AKAP3: variants seen among roughly 807,000 people sequenced by gnomAD.
The protein encoded by AKAP3 is A-kinase anchoring protein 3.
Under a neutral mutation model 57.2 loss-of-function variants are expected in AKAP3, and 27 were observed. The ratio of observed to expected loss-of-function variants is 0.47; its 90% CI spans 0.35 to 0.65. The LOEUF is 0.65. Among genes scored for constraint, AKAP3 ranks in the 30% least tolerant of loss-of-function variants. The pLI is 0.01. For synonymous variants in AKAP3, 334 were observed against 392.3 expected (o/e 0.85, Z 1.76); for missense variants, 959 against 1,040.0 (o/e 0.92, Z 1.07).
At position 4,648,837 on chromosome 12, in the gene AKAP3, T is replaced by C. The variant is rs758375631; in HGVS notation, c.-337A>G. ...CTACCTCGGGTCTTGCCATTTTGCA[T>C]GTCCTGAGTCAGTCACTGGTTAACT... On this transcript the variant is annotated 5_prime_UTR_variant, in exon 1 of 6. An upstream start codon of the reference 5' UTR is lost. Transcript: ENST00000228850. 2.5e-6 allele frequency: 1 copy of C among 396,558 alleles called. No individual in the cohort carries two copies. The highest frequency in any genetic ancestry group is 2.1e-5 in the African/African-American group (1 of 48,078). 24.6% of individuals were successfully genotyped at this position (396,558 alleles called of 1,614,324 possible). A position where few individuals can be genotyped will look rare whatever the true frequency, so the allele number is the denominator to read the frequency against.
intron 4 of AKAP3, among the ~76,000 whole-genome samples, chr12:4,629,129 C>T (rs1358267879): frequency 6.6e-6 from 1 of 152,170 alleles, no homozygotes; most frequent in East Asian, 1.9e-4. Flanking sequence ...ATTGATGGAG[C>T]AGAAATTCCA....
chr12:4,615,915 C>G, intron 5 of AKAP3, 21 bp from the exon 6 acceptor site: 1 of 1,613,878 alleles, frequency 6.2e-7, no homozygotes. Flanking sequence ...AAAGAAAACA[C>G]CAGTGGTGAG....
intron 4 of AKAP3, among the ~76,000 whole-genome samples, chr12:4,629,688 C>A (rs1207108571): frequency 2.0e-5 from 3 of 152,170 alleles, no homozygotes; most frequent in East Asian, 1.9e-4. Context: ...AGCAGTTGAA[C>A]TGAATCAGAT....
Position 4,628,673 on chromosome 12 carries a change from G to T in AKAP3, c.229C>A (p.Pro77Thr). The change falls in exon 5 of 6, where the codon CCA becomes ACA. Residue 77 changes from proline to threonine, a missense_variant. Coordinates refer to ENST00000228850, the MANE Select transcript of AKAP3 (RefSeq NM_001278309.2). Reference protein sequence around the residue: ...FGGETSNSGDPHKGFSVDYYN... With the variant: ...FGGETSNSGDTHKGFSVDYYN... ...TAGTCTACAGAGAAACCTTTGTGTG[G>T]GTCTCCTGAGTTGGACGTTTCCCCA... 1 of 1,614,164 alleles carries T rather than the reference G, an allele frequency of 6.2e-7. No individual in the cohort carries two copies. Among genetic ancestry groups the T allele is most frequent in the South Asian group, 1.1e-5 (1 of 91,082 alleles).
At chr12:4,632,725 CTG>C (rs1230097534) in intron 4 of AKAP3, among the ~76,000 whole-genome samples, 8 of 152,204 alleles carry the variant, frequency 5.3e-5, no homozygotes, top group Non-Finnish European at 4.4e-5. Context: ...ACTGCAAGCT[CTG>C]CCTCCCGAGT....
At position 4,628,656 on chromosome 12, in the gene AKAP3, A is replaced by G. The variant is rs1289412945; in HGVS notation, c.246T>C (p.Ser82=). Residue 82 remains serine, a synonymous_variant, in exon 5 of 6, where the codon TCT becomes TCC. Transcript: ENST00000228850. ...TGGTGGTGGTGTTGTAATAGTCTAC[A>G]GAGAAACCTTTGTGTGGGTCTCCTG... ...SNSGDPHKGF[S]VDYYNTTTKG... is the part of the protein sequence containing the mutation. 1 of 1,614,100 alleles carries G rather than the reference A, an allele frequency of 6.2e-7. No homozygotes were observed. Among genetic ancestry groups the G allele is most frequent in the African/African-American group, 1.3e-5 (1 of 74,944 alleles).
intron 4 of AKAP3, among the ~76,000 whole-genome samples, chr12:4,637,285 A>C (rs1945578406): frequency 6.6e-6 from 1 of 152,134 alleles, no homozygotes; most frequent in South Asian, 2.1e-4. Context: ...TTGTCGACAG[A>C]GGGTACTGGG....
chr12:4,644,791 G>A (rs910268450), intron 2 of AKAP3, among the ~76,000 whole-genome samples: 1 of 152,172 alleles, frequency 6.6e-6, no homozygotes, highest in African/African-American at 2.4e-5. Context: ...GTGGATGCCT[G>A]TAATCTCAGC....
At position 4,618,424 on chromosome 12, in the gene AKAP3, A is replaced by G. The variant is rs189839926; in HGVS notation, c.2407-2530T>C. Among the ~76,000 whole-genome samples the G allele has an allele frequency of 1.6e-3, 247 of 152,336 alleles. 2 individuals carry two copies. The highest frequency in any genetic ancestry group is 6.6e-3 in the South Asian group (32 of 4,820). On this transcript the variant is annotated intron_variant, in intron 5 of 5. Coordinates refer to ENST00000228850, the MANE Select transcript of AKAP3 (RefSeq NM_001278309.2). ...CAAGATAAGCTTCATATCTATATGCAAGATATTGAATTTGGACTCCTACCT... is the reference window on the plus strand; with the variant it reads ...CAAGATAAGCTTCATATCTATATGCGAGATATTGAATTTGGACTCCTACCT...
At chr12:4,620,222 T>C (rs746729644) in intron 5 of AKAP3, among the ~76,000 whole-genome samples, 1 of 152,048 alleles carries the variant, frequency 6.6e-6, no homozygotes, top group Non-Finnish European at 1.5e-5. Context: ...CCAGACGCGG[T>C]GGCTCACGCC....
In AKAP3 at chr12:4,625,232, C is replaced by T. The variant is rs902744533; in HGVS notation, c.2406+1264G>A. ...TAGCCTAACTTGAATGTGCACACAA[C>T]TCACCTGGGTATTTTGCTAAGATGA... On this transcript the variant is annotated intron_variant, in intron 5 of 5. Transcript: ENST00000228850. This position sits in a 1 kb window ranked among gnomAD's most constrained non-coding sequence, Gnocchi z 5.4. Among the ~76,000 whole-genome samples the T allele has an allele frequency of 6.6e-6, 1 of 152,166 alleles. No individual in the cohort carries two copies. Among genetic ancestry groups the T allele is most frequent in the Non-Finnish European group, 1.5e-5 (1 of 68,028 alleles).
At position 4,648,945 on chromosome 12, in the gene AKAP3, T is replaced by C; in HGVS notation, c.-445A>G. 1.5e-6 allele frequency: 1 copy of C among 653,770 alleles called. No homozygotes were observed. The highest frequency in any genetic ancestry group is 2.6e-6 in the Non-Finnish European group (1 of 381,578). 40.5% of individuals were successfully genotyped at this position (653,770 alleles called of 1,614,324 possible). On this transcript the variant is annotated 5_prime_UTR_variant, in exon 1 of 6. Transcript: ENST00000228850. ...AGATCTGAGATTCCAACAGCCAAAG[T>C]CTTTTCACTTCCTTTCTTCCCCCTC...
At chr12:4,619,635 A>C (rs1046385367) in intron 5 of AKAP3, among the ~76,000 whole-genome samples, 2 of 152,242 alleles carry the variant, frequency 1.3e-5, no homozygotes, top group African/African-American at 4.8e-5. Context: ...CACTTATTGT[A>C]ACATGCTGCA....
chr12:4,646,366 G>A (rs1025530869), intron 1 of AKAP3, among the ~76,000 whole-genome samples: 6 of 152,002 alleles, frequency 3.9e-5, no homozygotes, highest in Non-Finnish European at 8.8e-5. Context: ...TTATCACAGG[G>A]TTCCTTCAAA....
chr12:4,615,720 A>G lies in AKAP3; in HGVS notation c.*19T>C, dbSNP rs774483442. The G allele has an allele frequency of 3.1e-6, 5 of 1,608,688 alleles. No homozygotes were observed. Among genetic ancestry groups the G allele is most frequent in the Non-Finnish European group, 4.3e-6 (5 of 1,176,006 alleles). ...GCCGGCCCCACTGCCAGAAGAGGGGAAAGCAGTGGGGTTGCCGATTACAGG... is the reference window on the plus strand; with the variant it reads ...GCCGGCCCCACTGCCAGAAGAGGGGGAAGCAGTGGGGTTGCCGATTACAGG... On this transcript the variant is annotated 3_prime_UTR_variant, in exon 6 of 6. Transcript: ENST00000228850.
intron 5 of AKAP3, 36 bp from the exon 6 acceptor site, chr12:4,615,930 A>G: frequency 6.2e-7 from 1 of 1,612,994 alleles, no homozygotes; most frequent in Non-Finnish European, 8.5e-7. Context: ...GGTGAGGCAC[A>G]GCATCTCATG....
intron 1 of AKAP3, chr12:4,648,059 C>T (rs1472780309): frequency 6.6e-6 from 1 of 152,236 alleles, no homozygotes; most frequent in Non-Finnish European, 1.5e-5. Flanking sequence ...AGGTATGTTT[C>T]ACAGGATCAC....
intron 4 of AKAP3, chr12:4,635,974 G>A: frequency 1.7e-6 from 2 of 1,210,492 alleles, no homozygotes; most frequent in Middle Eastern, 1.9e-4. Flanking sequence ...CAAAGAAACA[G>A]CTTTTATCAC....
chr12:4,619,194 G>A (rs1274370840), intron 5 of AKAP3, among the ~76,000 whole-genome samples: 1 of 152,186 alleles, frequency 6.6e-6, no homozygotes, highest in Non-Finnish European at 1.5e-5. Context: ...ACTGAAACCT[G>A]TGCAAATTAC....
Sources: allele counts gnomAD v4.1 joint callset (sites outside exome capture counted in the v4.1 genomes callset), GRCh38; gene constraint gnomAD v4.1.1; non-coding constraint Gnocchi (gnomAD v3.1); transcripts MANE v1.5; gene names NCBI Gene and HGNC (gene_info 2026-07-23, HGNC 2026-07-21).